DIP2C: variants seen among roughly 807,000 people sequenced by gnomAD.
DIP2C encodes the protein DIP2 acetate--CoA ligase C (putative).
Under a neutral mutation model 192.4 loss-of-function variants are expected in DIP2C, and 33 were observed. The ratio of observed to expected loss-of-function variants is 0.17; its 90% CI spans 0.13 to 0.23. The LOEUF is 0.23. Ranked by LOEUF, DIP2C falls within the 10% of genes least tolerant of loss-of-function variation. The pLI is 1.00. For missense variants in DIP2C, 1,537 were observed against 2,110.1 expected (o/e 0.73, Z 5.32); for synonymous variants, 979 against 864.1 (o/e 1.13, Z -2.33).
intron 17 of DIP2C, among the ~76,000 whole-genome samples, chr10:381,548 G>C (rs1962375957): frequency 6.6e-6 from 1 of 152,160 alleles, no homozygotes; most frequent in African/African-American, 2.4e-5. Flanking sequence ...CGTGTCCAGA[G>C]ACCACTCCTC....
At chr10:663,196 G>T in intron 1 of DIP2C, 2 of 373,840 alleles carry the variant, frequency 5.3e-6, no homozygotes, top group Non-Finnish European at 9.5e-6. Context: ...GTGGAAAACT[G>T]GGAGATGGTA....
chr10:530,287 C>CA (rs1317709171), intron 1 of DIP2C, among the ~76,000 whole-genome samples: 2 of 152,184 alleles, frequency 1.3e-5, no homozygotes, highest in African/African-American at 2.4e-5. Flanking sequence ...GGGCTTGATT[C>CA]AAAACAGCTT....
At chr10:279,674 A>G (rs1312799789) in intron 36 of DIP2C, among the ~76,000 whole-genome samples, 1 of 152,352 alleles carries the variant, frequency 6.6e-6, no homozygotes, top group East Asian at 1.9e-4. Flanking sequence ...GGGAGAGGGA[A>G]GGTGGAGCAA....
At chr10:605,068 G>C (rs571130266) in intron 1 of DIP2C, among the ~76,000 whole-genome samples, 2 of 152,362 alleles carry the variant, frequency 1.3e-5, no homozygotes, top group Admixed American at 1.3e-4. Flanking sequence ...GGAGTTTACA[G>C]AAAATGGTCA....
intron 1 of DIP2C, among the ~76,000 whole-genome samples, chr10:489,808 C>T (rs1168101894): frequency 1.7e-5 from 2 of 118,752 alleles, no homozygotes; most frequent in African/African-American, 6.8e-5. Flanking sequence ...GTGGCTCTGA[C>T]GGTGCCCGGG....
chr10:668,598 AC>A (rs1176793444), intron 1 of DIP2C: 1 of 152,206 alleles, frequency 6.6e-6, no homozygotes, highest in African/African-American at 2.4e-5. Context: ...ACTCAACACA[AC>A]ATGCACATAC....
intron 1 of DIP2C, among the ~76,000 whole-genome samples, chr10:513,318 G>A (rs1378259634): frequency 6.6e-6 from 1 of 152,194 alleles, no homozygotes; most frequent in Non-Finnish European, 1.5e-5. Flanking sequence ...GTCAAACTTT[G>A]CAAACTGAAT....
chr10:467,026 T>A (rs1399937774), intron 3 of DIP2C, among the ~76,000 whole-genome samples: 1 of 151,220 alleles, frequency 6.6e-6, no homozygotes, highest in Non-Finnish European at 1.5e-5. Flanking sequence ...AGCCATCCCA[T>A]TACTGGGTAT....
In DIP2C at chr10:689,569, G is replaced by A; in HGVS notation, c.10C>T (p.Arg4Cys). The change falls in exon 1 of 37, where the codon CGC becomes TGC. Residue 4 changes from arginine (R) to cysteine (C), a missense_variant. Arg to Cys is a radical substitution (Grantham distance 180). This residue lies in a region of DIP2C where 473 missense variants were observed against 539.6 expected (regional missense o/e 0.88). Transcript: ENST00000280886. The surrounding 1 kb of genome is among the most constrained non-coding windows in gnomAD (Gnocchi z 6.1). MAD[R>C]SLEGMALPLE... ...GGCAGCGCCATGCCCTCCAGGCTGCGGTCCGCCATGCTCCGCGGGCGCCGC... is the reference window on the plus strand; with the variant it reads ...GGCAGCGCCATGCCCTCCAGGCTGCAGTCCGCCATGCTCCGCGGGCGCCGC... 2.4e-6 allele frequency: 3 copies of A among 1,227,790 alleles called. No individual in the cohort carries two copies. Among genetic ancestry groups the A allele is most frequent in the Non-Finnish European group, 2.1e-6 (2 of 971,356 alleles). 76.1% of individuals were successfully genotyped at this position (1,227,790 alleles called of 1,614,324 possible). A position where few individuals can be genotyped will look rare whatever the true frequency, so the allele number is the denominator to read the frequency against.
chr10:463,873 G>C (rs1261655015), intron 3 of DIP2C, among the ~76,000 whole-genome samples: 2 of 152,108 alleles, frequency 1.3e-5, no homozygotes, highest in East Asian at 1.9e-4. Context: ...TGACAAACCT[G>C]ACAAAAAGCA....
At chr10:618,590 G>A (rs946473456) in intron 1 of DIP2C, among the ~76,000 whole-genome samples, 2 of 60,278 alleles carry the variant, frequency 3.3e-5, no homozygotes, top group African/African-American at 6.1e-5. Context: ...TATGAATTTA[G>A]TCATGACTAC....
intron 1 of DIP2C, among the ~76,000 whole-genome samples, chr10:642,016 C>T (rs1221849879): frequency 2.6e-5 from 4 of 152,004 alleles, no homozygotes; most frequent in African/African-American, 7.2e-5. Flanking sequence ...GGGCGAGACC[C>T]TGTATCAAAA....
chr10:487,364 A>G (rs1031458896), intron 1 of DIP2C, among the ~76,000 whole-genome samples: 1 of 152,144 alleles, frequency 6.6e-6, no homozygotes, highest in Non-Finnish European at 1.5e-5. Context: ...AAAAGTTATC[A>G]AGGTACACAC....
chr10:407,049 C>T (rs978944026), intron 9 of DIP2C, among the ~76,000 whole-genome samples: 9 of 152,180 alleles, frequency 5.9e-5, no homozygotes, highest in African/African-American at 9.6e-5. Flanking sequence ...AAACTCTGAA[C>T]GATCCTCAAA....
chr10:670,213 CA>C (rs745765281), intron 1 of DIP2C, among the ~76,000 whole-genome samples: 42 of 152,268 alleles, frequency 2.8e-4, no homozygotes, highest in Middle Eastern at 6.8e-3. Flanking sequence ...TGTATGCACA[CA>C]TACGCACACG....
chr10:365,410 C>T (rs968314849), intron 19 of DIP2C, among the ~76,000 whole-genome samples: 3 of 152,032 alleles, frequency 2.0e-5, no homozygotes, highest in Admixed American at 6.6e-5. Flanking sequence ...TGGTGGCACA[C>T]GCCTGTACTC....
At chr10:461,055 A>C (rs1192594781) in intron 3 of DIP2C, among the ~76,000 whole-genome samples, 2 of 152,230 alleles carry the variant, frequency 1.3e-5, no homozygotes, top group African/African-American at 2.4e-5. Context: ...AGGAAGCACT[A>C]AATATGGAGA....
intron 1 of DIP2C, among the ~76,000 whole-genome samples, chr10:504,213 C>T (rs1845434417): frequency 6.6e-6 from 1 of 152,226 alleles, no homozygotes; most frequent in Non-Finnish European, 1.5e-5. Context: ...CAATCACTGT[C>T]AAATCACTGT....
rs549299827 is a variant in DIP2C, at chr10:588,226, C to T, written c.85+101268G>A. ...AGCCACTGCCTCAGCCCTGACCCTG[C>T]GGAAACCCCACATCCACACCAGCCA... On this transcript the variant is annotated intron_variant, in intron 1 of 36. Coordinates refer to ENST00000280886, the MANE Select transcript of DIP2C (RefSeq NM_014974.3). 3.9e-3 allele frequency among the ~76,000 whole-genome samples: 581 copies of T among 150,378 alleles called. 1 individual carries two copies. The highest frequency in any genetic ancestry group is 0.013 in the African/African-American group (534 of 40,622).
Sources: gnomAD v4.1 joint callset for allele counts (sites outside exome capture counted in the v4.1 genomes callset) on GRCh38, gnomAD v4.1.1 for gene constraint, gnomAD v4.1.1 regional missense constraint, Gnocchi (gnomAD v3.1) non-coding constraint, MANE v1.5 for transcripts, NCBI Gene and HGNC (gene_info 2026-07-23, HGNC 2026-07-21) for gene names.